The following ZDBF2 variants were observed in gnomAD, a reference collection of about 807,000 sequenced individuals.
The protein encoded by ZDBF2 is zinc finger DBF-type containing 2.
In ZDBF2, 6 loss-of-function variants were observed where a neutral mutation model predicts 9.4. The observed-to-expected ratio is 0.64, with a 90% CI of 0.35 to 1.27. The LOEUF (loss-of-function observed/expected upper bound fraction) is 1.27. Ranked by LOEUF, ZDBF2 falls within the 50% of genes most tolerant of loss-of-function variation. ZDBF2 has a pLI of 0.03. For missense variants in ZDBF2, 2,697 were observed against 2,766.8 expected (o/e 0.97, Z 0.57); for synonymous variants, 905 against 946.3 (o/e 0.96, Z 0.80).
chr2:206,278,107 A>C lies in ZDBF2; in HGVS notation c.-102-1433A>C, dbSNP rs1691121380. Among the ~76,000 whole-genome samples the C allele has an allele frequency of 2.0e-5, 3 of 152,126 alleles. No homozygotes were observed. In the South Asian group the frequency reaches 6.2e-4, roughly 31 times the overall value. The stretch of plus-strand genomic sequence containing the variant: ...GTACTGTACCTTCCCATTTTTGTAA[A>C]AATATGTTTAGAACAAAGACGAATA... On this transcript the variant is annotated intron_variant, in intron 1 of 4. Coordinates refer to ENST00000374423, the MANE Select transcript of ZDBF2 (RefSeq NM_020923.3).
Position 206,311,501 on chromosome 2 carries a change from G to A in ZDBF2, c.6973G>A (p.Ala2325Thr), listed in dbSNP as rs374695111. 11 of 1,597,434 alleles carry A rather than the reference G, an allele frequency of 6.9e-6. No homozygotes were observed. In the African/African-American group the frequency reaches 1.5e-4, roughly 22 times the overall value. ...GAAAGGTCCTTCTACACCTGTGAGA[G>A]CATATGATCTGAGAAGCTCATCTTG... ...RQKGPSTPVR[A>T]YDLRSSSCLQ... The change falls in exon 5 of 5, where the codon GCA becomes ACA. Residue 2325 changes from alanine (A) to threonine (T), a missense_variant. This residue lies in a region of ZDBF2 where 1,783 missense variants were observed against 1,776.5 expected (regional missense o/e 1.00). Coordinates refer to ENST00000374423, the MANE Select transcript of ZDBF2 (RefSeq NM_020923.3).
In ZDBF2 at chr2:206,309,832, GA is replaced by G. The variant is rs780274181; in HGVS notation, c.5308del (p.Arg1770AspfsTer11). The G allele has an allele frequency of 2.5e-6, 4 of 1,613,788 alleles. No homozygotes were observed. Among genetic ancestry groups the G allele is most frequent in the Non-Finnish European group, 2.5e-6 (3 of 1,179,854 alleles). ...DTDQPQETVK[K>X]RHPCKKVSSD... ...CTGATCAGCCTCAAGAAACTGTTAA[GA>G]AAAGACACCCTTGTAAGAAGGTATC... is the stretch of plus-strand genomic sequence containing the variant. On this transcript the variant is annotated frameshift_variant, in exon 5 of 5. Coordinates refer to ENST00000374423, the MANE Select transcript of ZDBF2 (RefSeq NM_020923.3). LOFTEE classifies it low-confidence loss of function (END_TRUNC).
intron 3 of ZDBF2, among the ~76,000 whole-genome samples, chr2:206,288,219 T>C (rs1414288010): frequency 6.6e-6 from 1 of 152,242 alleles, no homozygotes; most frequent in Non-Finnish European, 1.5e-5. Flanking sequence ...TGAATAACTT[T>C]TATAACTTTT....
chr2:206,293,502 G>A (rs1692004785), intron 3 of ZDBF2, among the ~76,000 whole-genome samples: 1 of 152,152 alleles, frequency 6.6e-6, no homozygotes, highest in African/African-American at 2.4e-5. Flanking sequence ...AGAAGCTGCA[G>A]AGAGGAAGAT....
At chr2:206,293,383 CTT>C (rs1377662112) in intron 3 of ZDBF2, among the ~76,000 whole-genome samples, 2 of 152,044 alleles carry the variant, frequency 1.3e-5, no homozygotes, top group Non-Finnish European at 2.9e-5. Context: ...ATCTCTATGA[CTT>C]TGATGGTAAA....
chr2:206,307,409 G>A lies in ZDBF2; in HGVS notation c.2881G>A (p.Asp961Asn). The A allele has an allele frequency of 1.2e-6, 2 of 1,612,946 alleles. No individual in the cohort carries two copies. Among genetic ancestry groups the A allele is most frequent in the Non-Finnish European group, 1.7e-6 (2 of 1,179,640 alleles). The change falls in exon 5 of 5, where the codon GAT becomes AAT. Residue 961 changes from aspartate (D) to asparagine (N), a missense_variant. By Grantham distance (23) the Asp-to-Asn change is conservative (BLOSUM62 1). Around this residue, in one of 3 missense-constraint regions of ZDBF2, gnomAD observed 1,783 missense variants for 1,776.5 expected, o/e 1.00. Transcript: ENST00000374423. ...KSVFETSLDS[D>N]VPLQAATHKP... ...TGTTTTTGAAACAAGTTTGGATTCT[G>A]ATGTCCCTCTTCAGGCAGCGACTCA...
At chr2:206,285,670 A>G (rs1559134779) in intron 3 of ZDBF2, among the ~76,000 whole-genome samples, 1 of 151,990 alleles carries the variant, frequency 6.6e-6, no homozygotes, top group Non-Finnish European at 1.5e-5. Flanking sequence ...CAGTTTGTCT[A>G]TTTTTGCTTT....
In ZDBF2 at chr2:206,312,883, T is replaced by G. The variant is rs1478089076; in HGVS notation, c.*1290T>G. The G allele has an allele frequency of 2.0e-5, 3 of 152,246 alleles. No individual in the cohort carries two copies. Among genetic ancestry groups the G allele is most frequent in the African/African-American group, 7.2e-5 (3 of 41,474 alleles). The allele number at this position is 152,246 out of a possible 1,614,324, so 9.4% of individuals were successfully genotyped here. On this transcript the variant is annotated 3_prime_UTR_variant, in exon 5 of 5. Transcript: ENST00000374423. ...GGAAACCTGTATTTATACATTAGTT[T>G]GTCTTTAACTATTTGTTAACAGATT... is the stretch of plus-strand genomic sequence containing the variant.
intron 3 of ZDBF2, among the ~76,000 whole-genome samples, chr2:206,287,267 G>T (rs764924830): frequency 6.6e-6 from 1 of 152,114 alleles, no homozygotes; most frequent in South Asian, 2.1e-4. Flanking sequence ...CTGGCCTAGC[G>T]GTGATGAATT....
chr2:206,299,132 C>T (rs1000641989), intron 4 of ZDBF2, among the ~76,000 whole-genome samples: 4 of 151,938 alleles, frequency 2.6e-5, no homozygotes, highest in Admixed American at 6.6e-5. Flanking sequence ...CTGCCTGCCT[C>T]GCCCTCCCAA....
chr2:206,284,645 T>C (rs1427526781), intron 3 of ZDBF2, among the ~76,000 whole-genome samples: 1 of 152,212 alleles, frequency 6.6e-6, no homozygotes, highest in Non-Finnish European at 1.5e-5. Context: ...CATTCTATTC[T>C]CTAGTTTTAC....
At position 206,294,889 on chromosome 2, in the gene ZDBF2, C is replaced by G. The variant is rs143077027; in HGVS notation, c.61-2357C>G. 1.4e-4 allele frequency among the ~76,000 whole-genome samples: 21 copies of G among 152,168 alleles called. No individual in the cohort carries two copies. The East Asian group carries it at 3.3e-3, about 24-fold the overall frequency. Reference sequence around the variant, plus strand: ...GTACCACATATTCTTTATTCAGTAACGTTGAATTTTAACTGAATATTTATT... The same window carrying G: ...GTACCACATATTCTTTATTCAGTAAGGTTGAATTTTAACTGAATATTTATT... On this transcript the variant is annotated intron_variant, in intron 3 of 4. Coordinates refer to ENST00000374423, the MANE Select transcript of ZDBF2 (RefSeq NM_020923.3).
rs973684286 is a variant in ZDBF2, at chr2:206,312,186, C to G, written c.*593C>G. ...AAGTCTCTAACTTTTATCATTTGGA[C>G]ACATGCACACATACAGTCTCTAGGT... On this transcript the variant is annotated 3_prime_UTR_variant, in exon 5 of 5. Coordinates refer to ENST00000374423, the MANE Select transcript of ZDBF2 (RefSeq NM_020923.3). 1.3e-5 allele frequency: 2 copies of G among 152,092 alleles called. No individual in the cohort carries two copies. The highest frequency in any genetic ancestry group is 4.8e-5 in the African/African-American group (2 of 41,402). 9.4% of individuals were successfully genotyped at this position (152,092 alleles called of 1,614,324 possible).
rs751869639 is a variant in ZDBF2, at chr2:206,306,373, G to C, written c.1845G>C (p.Lys615Asn). The change falls in exon 5 of 5, where the codon AAG (lysine) becomes AAC (asparagine). Residue 615 changes from lysine to asparagine, a missense_variant. Physicochemically the swap from Lys to Asn is moderately conservative, Grantham distance 94. Around this residue, in one of 3 missense-constraint regions of ZDBF2, gnomAD observed 910 missense variants for 973.6 expected, o/e 0.93. Transcript: ENST00000374423. ...GTAGACAAGTCCACCTAAAACATAA[G>C]AAGCGTAAACCCAGTAGTGCTAAAG... ...LKGRQVHLKHKKRKPSSAKAH... is the reference protein window; with the variant it reads ...LKGRQVHLKHNKRKPSSAKAH... 1 of 1,613,750 alleles carries C rather than the reference G, an allele frequency of 6.2e-7. No individual in the cohort carries two copies. The highest frequency in any genetic ancestry group is 1.3e-5 in the African/African-American group (1 of 75,048).
At chr2:206,275,208 G>C (rs930607464) in intron 1 of ZDBF2, among the ~76,000 whole-genome samples, 2 of 152,168 alleles carry the variant, frequency 1.3e-5, no homozygotes, top group Non-Finnish European at 2.9e-5. Flanking sequence ...TTGCGCTTCT[G>C]TCCGGGGCCC....
chr2:206,293,730 T>C (rs1039813323), intron 3 of ZDBF2, among the ~76,000 whole-genome samples: 3 of 152,114 alleles, frequency 2.0e-5, no homozygotes, highest in Admixed American at 2.0e-4. Context: ...ATCCTTACAA[T>C]AGCTAAAATT....
intron 3 of ZDBF2, among the ~76,000 whole-genome samples, chr2:206,284,673 C>G (rs1691507452): frequency 6.6e-6 from 1 of 152,144 alleles, no homozygotes; most frequent in South Asian, 2.1e-4. Context: ...ACTTTGATGA[C>G]AAGATTTTCT....
Position 206,308,617 on chromosome 2 carries a change from T to A in ZDBF2, c.4089T>A (p.Ser1363Arg). Residue 1363 changes from serine (S) to arginine (R), a missense_variant, in exon 5 of 5, where the codon AGT becomes AGA. Physicochemically the swap from Ser to Arg is moderately radical, Grantham distance 110. Transcript: ENST00000374423. Reference sequence around the variant, plus strand: ...AAGATAAGAGCAGTAATTCTTATAGTCCTGAAGAAAGTTCTGATTCCAATG... The same window carrying A: ...AAGATAAGAGCAGTAATTCTTATAGACCTGAAGAAAGTTCTGATTCCAATG... ...SLEDKSSNSY[S>R]PEESSDSNDS... The A allele has an allele frequency of 6.2e-7, 1 of 1,613,118 alleles. No homozygotes were observed. The highest frequency in any genetic ancestry group is 1.1e-5 in the South Asian group (1 of 91,086).
At chr2:206,301,757 T>G (rs1692510924) in intron 4 of ZDBF2, among the ~76,000 whole-genome samples, 1 of 152,136 alleles carries the variant, frequency 6.6e-6, no homozygotes, top group South Asian at 2.1e-4. Context: ...CTTGCTTTAT[T>G]TTTGTTTCAT....
Sources: allele counts gnomAD v4.1 joint callset (sites outside exome capture counted in the v4.1 genomes callset), GRCh38; gene constraint gnomAD v4.1.1; regional missense constraint gnomAD v4.1.1; transcripts MANE v1.5; gene names NCBI Gene and HGNC (gene_info 2026-07-23, HGNC 2026-07-21).